The following KIAA1217 variants were observed in gnomAD, a reference collection of about 807,000 sequenced individuals.
KIAA1217 encodes KIAA1217.
Under a neutral mutation model 163.9 loss-of-function variants are expected in KIAA1217, and 88 were observed. The observed-to-expected ratio is 0.54, with a 90% confidence interval of 0.45 to 0.64. The LOEUF is 0.64. Ranked by LOEUF, KIAA1217 falls within the 30% of genes least tolerant of loss-of-function variation. The probability of loss-of-function intolerance (pLI) is 0.00; values close to 1 mark genes in which losing one functional copy is unlikely to be tolerated. For missense variants in KIAA1217, 2,372 were observed against 2,475.0 expected (o/e 0.96, Z 0.88); for synonymous variants, 903 against 923.1 (o/e 0.98, Z 0.39).
chr10:24,028,190 G>A (rs1848043677), intron 2 of KIAA1217, among the ~76,000 whole-genome samples: 1 of 152,094 alleles, frequency 6.6e-6, no homozygotes, highest in South Asian at 2.1e-4. Flanking sequence ...TTTTGGCAAA[G>A]CTGAGATTTC....
At chr10:24,319,561 C>T (rs889740389) in intron 2 of KIAA1217, among the ~76,000 whole-genome samples, 1 of 152,032 alleles carries the variant, frequency 6.6e-6, no homozygotes, top group Non-Finnish European at 1.5e-5. Flanking sequence ...ATACAGCTTG[C>T]ATGGTTGGGG....
At chr10:24,177,298 T>TATATATATATATA (rs58744670) in intron 2 of KIAA1217, among the ~76,000 whole-genome samples, 4 of 68,608 alleles carry the variant, frequency 5.8e-5, no homozygotes, top group African/African-American at 9.6e-5. Context: ...TATATATATA[T>TATATATATATATA]TACAATTTCT....
intron 2 of KIAA1217, among the ~76,000 whole-genome samples, chr10:24,035,052 T>C (rs757889586): frequency 1.3e-5 from 2 of 152,098 alleles, no homozygotes; most frequent in African/African-American, 2.4e-5. Flanking sequence ...TTGTGTGGAT[T>C]GCGGCCAGAC....
rs149463507 is a variant in KIAA1217, at chr10:24,106,047, T to G, written c.-171+98673T>G. Among the ~76,000 whole-genome samples, 19 of 152,334 alleles carry G rather than the reference T, an allele frequency of 1.2e-4. No individual in the cohort carries two copies. The East Asian group carries it at 1.5e-3, about 12-fold the overall frequency. ...AACCTTGTGATGGAATGGGATTTTG[T>G]GCAGCTGGGATTTTGACAATGGGAT... On this transcript the variant is annotated intron_variant, in intron 2 of 18. Coordinates refer to the KIAA1217 transcript ENST00000376462.
intron 5 of KIAA1217, among the ~76,000 whole-genome samples, chr10:24,439,177 A>G (rs1243375055): frequency 6.6e-6 from 1 of 152,200 alleles, no homozygotes; most frequent in Non-Finnish European, 1.5e-5. Context: ...ATGCAGGTCC[A>G]CTAGAAAGGG....
chr10:24,247,103 A>C (rs2073896513), intron 2 of KIAA1217, among the ~76,000 whole-genome samples: 1 of 145,722 alleles, frequency 6.9e-6, no homozygotes, highest in Admixed American at 6.9e-5. Context: ...CTCATAGTCT[A>C]TCTGACCCTT....
At chr10:24,298,618 C>A (rs552737816) in intron 2 of KIAA1217, among the ~76,000 whole-genome samples, 466 of 152,030 alleles carry the variant, frequency 3.1e-3, no homozygotes, top group Non-Finnish European at 4.9e-3. Context: ...GTCAACATGG[C>A]AAAACCTCTT....
chr10:23,748,110 T>A (rs1435951138), intron 1 of KIAA1217, among the ~76,000 whole-genome samples: 3 of 152,014 alleles, frequency 2.0e-5, no homozygotes, highest in African/African-American at 7.2e-5. Context: ...CCAAGGTAGG[T>A]TATCTGTTCT....
chr10:24,547,551 G>GTTAAATGTTT lies in KIAA1217; in HGVS notation c.*1230_*1239dup, dbSNP rs2075768406. 6.6e-6 allele frequency: 1 copy of GTTAAATGTTT among 152,228 alleles called. No homozygotes were observed. Among genetic ancestry groups the GTTAAATGTTT allele is most frequent in the Non-Finnish European group, 1.5e-5 (1 of 68,040 alleles). 9.4% of individuals were successfully genotyped at this position (152,228 alleles called of 1,614,324 possible). ...AAGAACGAAATGTAACTGTTACCGA[G>GTTAAATGTTT]TTAAATGTTTTTCCGCTTTGAGGGA... On this transcript the variant is annotated 3_prime_UTR_variant, in exon 21 of 21. Transcript: ENST00000376454.
intron 2 of KIAA1217, among the ~76,000 whole-genome samples, chr10:24,157,464 GT>G (rs1258817979): frequency 6.6e-6 from 1 of 152,182 alleles, no homozygotes; most frequent in African/African-American, 2.4e-5. Context: ...TCTCTTAACA[GT>G]GTCTTTTAGA....
intron 1 of KIAA1217, among the ~76,000 whole-genome samples, chr10:23,747,201 G>A (rs999627259): frequency 6.6e-5 from 10 of 152,148 alleles, no homozygotes; most frequent in African/African-American, 1.9e-4. Flanking sequence ...GAGGAAACTA[G>A]CTAGAAACAA....
At chr10:24,467,993 T>C (rs1464717099) in intron 5 of KIAA1217, among the ~76,000 whole-genome samples, 1 of 152,208 alleles carries the variant, frequency 6.6e-6, no homozygotes, top group East Asian at 1.9e-4. Context: ...TAAATCTGTG[T>C]TGGTGACAGA....
chr10:24,080,184 A>G (rs976180050), intron 2 of KIAA1217, among the ~76,000 whole-genome samples: 1 of 152,114 alleles, frequency 6.6e-6, no homozygotes, highest in African/African-American at 2.4e-5. Context: ...TTGTACGTGT[A>G]TTGGATCTGG....
At position 24,430,264 on chromosome 10, in the gene KIAA1217, A is replaced by G. The variant is rs548269828; in HGVS notation, c.554-2731A>G. 2.7e-3 allele frequency among the ~76,000 whole-genome samples: 400 copies of G among 147,462 alleles called. 1 individual carries two copies. The highest frequency in any genetic ancestry group is 9.4e-3 in the African/African-American group (381 of 40,336). On this transcript the variant is annotated intron_variant, in intron 3 of 20. Transcript: ENST00000376454. ...CCTTTGCCAGCATTCGGTCGAGGGC[A>G]TATCAGCCCCTTCCCCTATGCTTGG...
At chr10:23,952,458 A>G (rs1407597070) in intron 1 of KIAA1217, among the ~76,000 whole-genome samples, 3 of 152,218 alleles carry the variant, frequency 2.0e-5, no homozygotes, top group Admixed American at 2.0e-4. Context: ...AATAAGGTCC[A>G]CTGCTGAGAG....
At chr10:24,511,223 T>G (rs1243857208) in intron 9 of KIAA1217, among the ~76,000 whole-genome samples, 1 of 141,052 alleles carries the variant, frequency 7.1e-6, no homozygotes, top group Non-Finnish European at 1.5e-5. Flanking sequence ...TTGAGCAGAG[T>G]GCCAGGTGCA....
At chr10:24,121,316 C>G (rs1225784966) in intron 2 of KIAA1217, among the ~76,000 whole-genome samples, 1 of 152,186 alleles carries the variant, frequency 6.6e-6, no homozygotes, top group Non-Finnish European at 1.5e-5. Context: ...GTTGTCTCTC[C>G]TCTGTGTTAA....
intron 1 of KIAA1217, among the ~76,000 whole-genome samples, chr10:23,963,070 T>G (rs921400707): frequency 1.7e-4 from 26 of 152,346 alleles, no homozygotes; most frequent in Admixed American, 9.1e-4. Flanking sequence ...TTTGACCTTT[T>G]TTCGACCTAC....
chr10:24,420,878 T>C (rs1162279337), intron 3 of KIAA1217, among the ~76,000 whole-genome samples: 1 of 152,240 alleles, frequency 6.6e-6, no homozygotes, highest in African/African-American at 2.4e-5. Flanking sequence ...TAGTCTTGTT[T>C]GTCCTATCCG....
Sources: gnomAD v4.1 joint callset for allele counts (sites outside exome capture counted in the v4.1 genomes callset) on GRCh38, gnomAD v4.1.1 for gene constraint, MANE v1.5 for transcripts, NCBI Gene and HGNC (gene_info 2026-07-23, HGNC 2026-07-21) for gene names.